The following CACNA1D variants were observed in gnomAD, a reference collection of about 807,000 sequenced individuals.
CACNA1D encodes voltage-dependent L-type calcium channel subunit alpha-1D.
A neutral mutation model predicts 257.1 loss-of-function variants in CACNA1D; 55 were observed. The observed-to-expected ratio is 0.21, with a 90% confidence interval of 0.17 to 0.27. The LOEUF is 0.27. Among genes scored for constraint, CACNA1D ranks in the 10% least tolerant of loss-of-function variants. The pLI is 1.00. For missense variants in CACNA1D, 1,876 were observed against 2,784.0 expected, an observed-to-expected ratio of 0.67 and a Z score of 7.34; for synonymous variants, 980 against 1,014.9, an observed-to-expected ratio of 0.97 and a Z score of 0.65.
At chr3:53,522,475 C>T (rs2091617408) in intron 3 of CACNA1D, among the ~76,000 whole-genome samples, 1 of 152,188 alleles carries the variant, frequency 6.6e-6, no homozygotes, top group Non-Finnish European at 1.5e-5. Context: ...AGGCTAGTGC[C>T]TTTCCTCACC....
Position 53,774,672 on chromosome 3 carries a change from T to C in CACNA1D, c.4196T>C (p.Leu1399Pro). Residue 1399 changes from leucine to proline, a missense_variant, in exon 34 of 48, where the codon CTC becomes CCC. Transcript: ENST00000350061. The surrounding 1 kb of genome is among the most constrained non-coding windows in gnomAD (Gnocchi z 4.3). ...FQTFPQAVLL[L>P]FRCATGEAWQ... Reference sequence around the variant, plus strand: ...ACGTTTCCCCAGGCGGTGCTGCTGCTCTTCAGGTGACTGCAACTGGCTTGG... The same window carrying C: ...ACGTTTCCCCAGGCGGTGCTGCTGCCCTTCAGGTGACTGCAACTGGCTTGG... The C allele has an allele frequency of 6.2e-7, 1 of 1,605,364 alleles. No individual in the cohort carries two copies. Among genetic ancestry groups the C allele is most frequent in the Non-Finnish European group, 8.5e-7 (1 of 1,172,100 alleles).
At chr3:53,783,837 G>A (rs2095438859) in intron 39 of CACNA1D, among the ~76,000 whole-genome samples, 1 of 152,184 alleles carries the variant, frequency 6.6e-6, no homozygotes, top group Admixed American at 6.5e-5. Context: ...ACCCCTCTGG[G>A]AACAGATGTG....
At chr3:53,712,596 C>T (rs1405917221) in intron 9 of CACNA1D, among the ~76,000 whole-genome samples, 1 of 152,062 alleles carries the variant, frequency 6.6e-6, no homozygotes, top group Non-Finnish European at 1.5e-5. Flanking sequence ...CGTCATGGTA[C>T]TGCTCATGTT....
At chr3:53,578,154 C>A (rs1179683187) in intron 3 of CACNA1D, among the ~76,000 whole-genome samples, 2 of 149,864 alleles carry the variant, frequency 1.3e-5, no homozygotes, top group Non-Finnish European at 3.0e-5. Flanking sequence ...TGTGTAGATT[C>A]TGTGGTATAA....
chr3:53,745,813 TTA>T lies in CACNA1D; in HGVS notation c.3115-7_3115-6del. ...GCATTTACTTAACTGCCTGTCTATT[TTA>T]TACCCAGGGGAAGTTCTATCGCTGT... is the stretch of plus-strand genomic sequence containing the variant. On this transcript the variant is annotated splice_polypyrimidine_tract_variant and splice_region_variant and intron_variant, in intron 24 of 47. Transcript: ENST00000350061. 6.2e-7 allele frequency: 1 copy of T among 1,612,398 alleles called. No homozygotes were observed. The highest frequency in any genetic ancestry group is 8.5e-7 in the Non-Finnish European group (1 of 1,178,332).
intron 37 of CACNA1D, among the ~76,000 whole-genome samples, chr3:53,777,807 G>A (rs2095406252): frequency 6.6e-6 from 1 of 152,188 alleles, no homozygotes; most frequent in African/African-American, 2.4e-5. Flanking sequence ...CCCTCAGTGA[G>A]ACTTTTCCTT....
chr3:53,521,474 A>G (rs2091573227), intron 3 of CACNA1D, among the ~76,000 whole-genome samples: 1 of 152,190 alleles, frequency 6.6e-6, no homozygotes, highest in South Asian at 2.1e-4. Context: ...TGTCGGAGTA[A>G]CGGGAGGCAC....
At chr3:53,599,256 A>G (rs910588719) in intron 3 of CACNA1D, among the ~76,000 whole-genome samples, 2 of 152,210 alleles carry the variant, frequency 1.3e-5, no homozygotes, top group Non-Finnish European at 2.9e-5. Context: ...AAATGGAATC[A>G]TATCCTATCA....
intron 3 of CACNA1D, among the ~76,000 whole-genome samples, chr3:53,557,773 A>T (rs577935501): frequency 1.3e-5 from 2 of 152,202 alleles, no homozygotes; most frequent in Non-Finnish European, 2.9e-5. Context: ...GATTTATTGT[A>T]AGTCATAAAG....
intron 5 of CACNA1D, among the ~76,000 whole-genome samples, chr3:53,662,476 T>A (rs1039019328): frequency 1.3e-5 from 2 of 152,144 alleles, no homozygotes; most frequent in Non-Finnish European, 2.9e-5. Flanking sequence ...AGGGAAACAT[T>A]TATCAAAGTT....
In CACNA1D at chr3:53,800,478, G is replaced by A. The variant is rs2095530637; in HGVS notation, c.5040+113G>A. On this transcript the variant is annotated intron_variant, in intron 41 of 47. Transcript: ENST00000350061. The surrounding 1 kb of genome is among the most constrained non-coding windows in gnomAD (Gnocchi z 4.3). ...GTCTGGAGAATGCAGCCCATCCCCA[G>A]GGCCTAGAGGGGCTTTCAGACCACA... 6.2e-6 allele frequency: 5 copies of A among 802,878 alleles called. No individual in the cohort carries two copies. Among genetic ancestry groups the A allele is most frequent in the Middle Eastern group, 2.2e-4 (1 of 4,508 alleles). 49.7% of individuals were successfully genotyped at this position (802,878 alleles called of 1,614,324 possible). A position where few individuals can be genotyped will look rare whatever the true frequency, so the allele number is the denominator to read the frequency against.
chr3:53,682,367 A>AAAAAAAAAAAC (rs2094438371), intron 8 of CACNA1D, among the ~76,000 whole-genome samples: 1 of 60,984 alleles, frequency 1.6e-5, no homozygotes, highest in Non-Finnish European at 3.5e-5. Context: ...GTCTCTGGTA[A>AAAAAAAAAAAC]AAAAAAAAAA....
At chr3:53,796,558 G>C (rs895392757) in intron 40 of CACNA1D, among the ~76,000 whole-genome samples, 3 of 152,266 alleles carry the variant, frequency 2.0e-5, no homozygotes, top group Admixed American at 1.3e-4. Context: ...CCTAAAAGTG[G>C]GCAGGAGAAA....
intron 22 of CACNA1D, among the ~76,000 whole-genome samples, 171 bp from the exon 23 acceptor site, chr3:53,744,569 G>A (rs866187955): frequency 1.3e-5 from 2 of 152,148 alleles, no homozygotes; most frequent in South Asian, 2.1e-4. Context: ...TCGTGTGGGC[G>A]GGGAGGAGAA....
intron 3 of CACNA1D, among the ~76,000 whole-genome samples, chr3:53,569,407 A>G (rs1416345882): frequency 6.6e-6 from 1 of 152,222 alleles, no homozygotes; most frequent in Non-Finnish European, 1.5e-5. Context: ...CTCCACTAGA[A>G]TGTGGGCTCC....
chr3:53,680,310 T>G (rs2094417771), intron 8 of CACNA1D, among the ~76,000 whole-genome samples: 1 of 152,070 alleles, frequency 6.6e-6, no homozygotes, highest in Non-Finnish European at 1.5e-5. Flanking sequence ...AGCTCTCACT[T>G]GTCAGCTGTG....
chr3:53,798,245 C>T (rs2095516684), intron 40 of CACNA1D, among the ~76,000 whole-genome samples: 1 of 152,164 alleles, frequency 6.6e-6, no homozygotes, highest in East Asian at 1.9e-4. Flanking sequence ...AACCAAATGA[C>T]TTCCCAGGCT....
At position 53,673,977 on chromosome 3, in the gene CACNA1D, ATCTG is replaced by A; in HGVS notation, c.1220+857_1220+860del. 2 of 702,480 alleles carry A rather than the reference ATCTG, an allele frequency of 2.8e-6. No homozygotes were observed. Among genetic ancestry groups the A allele is most frequent in the South Asian group, 1.5e-5 (1 of 66,124 alleles). 43.5% of individuals were successfully genotyped at this position (702,480 alleles called of 1,614,324 possible). On this transcript the variant is annotated intron_variant, in intron 8 of 47. Coordinates refer to ENST00000350061, the MANE Select transcript of CACNA1D (RefSeq NM_001128840.3). This position sits in a 1 kb window ranked among gnomAD's most constrained non-coding sequence, Gnocchi z 4.1. Reference sequence around the variant, plus strand: ...TTGAACTGTGATTCTTTCTGCCTGTATCTGTCTGTGAGATTCCGTGTTTCCAATG... The same window carrying A: ...TTGAACTGTGATTCTTTCTGCCTGTATCTGTGAGATTCCGTGTTTCCAATG...
intron 29 of CACNA1D, among the ~76,000 whole-genome samples, chr3:53,755,148 A>ACT (rs2095255100): frequency 6.6e-6 from 1 of 152,148 alleles, no homozygotes; most frequent in African/African-American, 2.4e-5. Flanking sequence ...GGACTGATGG[A>ACT]AAAGGTTGCA....
Sources: allele counts gnomAD v4.1 joint callset (sites outside exome capture counted in the v4.1 genomes callset), GRCh38; gene constraint gnomAD v4.1.1; non-coding constraint Gnocchi (gnomAD v3.1); transcripts MANE v1.5; gene names NCBI Gene and HGNC (gene_info 2026-07-23, HGNC 2026-07-21).